SPATA22: variants seen among roughly 807,000 people sequenced by gnomAD.
The protein encoded by SPATA22 is spermatogenesis-associated protein 22.
In SPATA22, 29 loss-of-function variants were observed where a neutral mutation model predicts 47.8. That is an observed-to-expected ratio of 0.61 (90% CI 0.45 to 0.83). The LOEUF (loss-of-function observed/expected upper bound fraction) is 0.83. SPATA22 is among the 40% of genes least tolerant of loss of function. The pLI is 0.00. For synonymous variants in SPATA22, 133 were observed against 140.9 expected, an observed-to-expected ratio of 0.94 and a Z score of 0.40; for missense variants, 410 against 421.7, an observed-to-expected ratio of 0.97 and a Z score of 0.24.
chr17:3,476,298 G>C (rs755779424), upstream of SPATA22: 1 of 1,614,168 alleles, frequency 6.2e-7, no homozygotes, highest in South Asian at 1.1e-5. Flanking sequence ...AACAGGGCTG[G>C]AGGTAAAACC....
At chr17:3,470,508 G>A (rs575124961) in intron 1 of SPATA22, among the ~76,000 whole-genome samples, 1 of 152,268 alleles carries the variant, frequency 6.6e-6, no homozygotes, top group East Asian at 1.9e-4. Flanking sequence ...CCAGCACTTT[G>A]GGAGGCCGAG....
intron 1 of SPATA22, among the ~76,000 whole-genome samples, chr17:3,491,754 A>G (rs8081562): frequency 0.87 from 132,233 of 151,480 alleles, 57,941 homozygotes; most frequent in East Asian, 0.99. Context: ...TCAAAAAAAA[A>G]AAAGAAAGAA....
At chr17:3,510,589 T>C (rs1248615051) in intron 1 of SPATA22, 1 of 152,276 alleles carries the variant, frequency 6.6e-6, no homozygotes, top group African/African-American at 2.4e-5. Flanking sequence ...ATGATTTCTT[T>C]CTTGAACATA....
At chr17:3,459,777 A>G (rs1220489923) in intron 5 of SPATA22, among the ~76,000 whole-genome samples, 1 of 152,162 alleles carries the variant, frequency 6.6e-6, no homozygotes, top group Non-Finnish European at 1.5e-5. Context: ...GTTAACAAAG[A>G]TGAGACTGTC....
At position 3,483,568 on chromosome 17, in the gene SPATA22, C is replaced by T. The variant is rs937670540; in HGVS notation, c.-73-14170G>A. On this transcript the variant is annotated intron_variant, in intron 1 of 8. Coordinates refer to the SPATA22 transcript ENST00000541913. The stretch of plus-strand genomic sequence containing the variant: ...TCCTTCCCTCAAATATGCGACCACT[C>T]GTTCCATAGCCAAGTATCCTGTGGG... 4 of 1,613,858 alleles carry T rather than the reference C, an allele frequency of 2.5e-6. No individual in the cohort carries two copies. Among genetic ancestry groups the T allele is most frequent in the African/African-American group, 1.3e-5 (1 of 75,046 alleles).
intron 1 of SPATA22, among the ~76,000 whole-genome samples, chr17:3,486,323 T>C (rs2073720860): frequency 6.6e-6 from 1 of 152,202 alleles, no homozygotes; most frequent in Non-Finnish European, 1.5e-5. Flanking sequence ...CTGTTCACTA[T>C]ACAGACATCC....
At chr17:3,454,826 G>C (rs916870958) in intron 5 of SPATA22, among the ~76,000 whole-genome samples, 21 of 152,174 alleles carry the variant, frequency 1.4e-4, no homozygotes, top group African/African-American at 5.1e-4. Flanking sequence ...GTAATGGGAT[G>C]GCTGGGTCAA....
At chr17:3,511,082 C>T (rs1363629856) in intron 1 of SPATA22, 1 of 152,192 alleles carries the variant, frequency 6.6e-6, no homozygotes, top group Admixed American at 6.5e-5. Context: ...AAACACCTTC[C>T]CCTGAAATTA....
At chr17:3,452,222 T>C (rs952695454) in intron 5 of SPATA22, among the ~76,000 whole-genome samples, 1 of 143,926 alleles carries the variant, frequency 6.9e-6, no homozygotes, top group Non-Finnish European at 1.5e-5. Context: ...AATAACAAAC[T>C]AAGCCCAAAA....
intron 1 of SPATA22, chr17:3,489,481 G>T (rs1280822401): frequency 1.5e-6 from 1 of 681,576 alleles, no homozygotes. Context: ...TTCCCCAATG[G>T]CCAGGATAGA....
intron 5 of SPATA22, among the ~76,000 whole-genome samples, chr17:3,454,206 TAA>T (rs959687667): frequency 7.1e-6 from 1 of 140,354 alleles, no homozygotes; most frequent in African/African-American, 2.6e-5. Flanking sequence ...TAAAACAGAT[TAA>T]AAAAAAAAAA....
At chr17:3,495,844 G>A (rs1195375012) in intron 1 of SPATA22, among the ~76,000 whole-genome samples, 1 of 152,210 alleles carries the variant, frequency 6.6e-6, no homozygotes, top group Non-Finnish European at 1.5e-5. Context: ...TGGGATTACA[G>A]GCATGAGCCA....
At chr17:3,486,667 C>G (rs1435197495) in intron 1 of SPATA22, among the ~76,000 whole-genome samples, 2 of 152,144 alleles carry the variant, frequency 1.3e-5, no homozygotes, top group Non-Finnish European at 2.9e-5. Context: ...AAAATTACAA[C>G]TTAAAATATT....
chr17:3,471,872 C>T (rs73305600), upstream of SPATA22: 6 of 985,336 alleles, frequency 6.1e-6, no homozygotes, highest in East Asian at 5.7e-4. Context: ...GCCACCTCGG[C>T]GCGATGGCAT....
At position 3,490,479 on chromosome 17, in the gene SPATA22, T is replaced by C. The variant is rs2073805846; in HGVS notation, c.-73-21081A>G. On this transcript the variant is annotated intron_variant, in intron 1 of 8. Transcript: ENST00000541913. The surrounding 1 kb of genome is among the most constrained non-coding windows in gnomAD (Gnocchi z 4.6). ...GTTGTTGAGGAATGGGCAATTATAA[T>C]AACAGAGGGGGTGTGTACTTCGGTG... Among the ~76,000 whole-genome samples the C allele has an allele frequency of 6.6e-6, 1 of 152,200 alleles. No homozygotes were observed. Among genetic ancestry groups the C allele is most frequent in the South Asian group, 2.1e-4 (1 of 4,830 alleles).
chr17:3,481,636 G>T, intron 1 of SPATA22: 1 of 1,613,776 alleles, frequency 6.2e-7, no homozygotes, highest in Non-Finnish European at 8.5e-7. Flanking sequence ...CATATGAAGT[G>T]AGAAGGGCTC....
rs886052854 is a variant in SPATA22, at chr17:3,513,843, C to G, written c.-505G>C. 2.1e-5 allele frequency: 28 copies of G among 1,308,630 alleles called. No homozygotes were observed. Among genetic ancestry groups the G allele is most frequent in the Non-Finnish European group, 2.9e-5 (27 of 917,342 alleles). The allele number at this position is 1,308,630 out of a possible 1,614,324, so 81.1% of individuals were successfully genotyped here. A position where few individuals can be genotyped will look rare whatever the true frequency, so the allele number is the denominator to read the frequency against. On this transcript the variant is annotated 5_prime_UTR_variant, in exon 1 of 9. Coordinates refer to the SPATA22 transcript ENST00000541913. ...GCCGGACTCCACCATCCCTCAAAGCCTCTCTGCACAGAGTCGGTGACTCCG... is the reference window on the plus strand; with the variant it reads ...GCCGGACTCCACCATCCCTCAAAGCGTCTCTGCACAGAGTCGGTGACTCCG...
chr17:3,470,884 G>C (rs150999448), intron 1 of SPATA22, among the ~76,000 whole-genome samples: 4 of 152,336 alleles, frequency 2.6e-5, no homozygotes, highest in African/African-American at 9.6e-5. Context: ...GCCAGGTGCA[G>C]TGGCTCATGC....
At chr17:3,505,108 C>T (rs865951854) in intron 1 of SPATA22, among the ~76,000 whole-genome samples, 9 of 151,056 alleles carry the variant, frequency 6.0e-5, no homozygotes, top group African/African-American at 2.2e-4. Flanking sequence ...TTCCCACTTA[C>T]TGAAACGCTT....
Sources: gnomAD v4.1 joint callset for allele counts (sites outside exome capture counted in the v4.1 genomes callset) on GRCh38, gnomAD v4.1.1 for gene constraint, Gnocchi (gnomAD v3.1) non-coding constraint, MANE v1.5 for transcripts, NCBI Gene and HGNC (gene_info 2026-07-23, HGNC 2026-07-21) for gene names.